Variants in SLC2A11 observed in about 807,000 individuals in gnomAD.
SLC2A11 encodes the protein solute carrier family 2, facilitated glucose transporter member 11.
Under a neutral mutation model 52.1 loss-of-function variants are expected in SLC2A11, and 43 were observed. That is an observed-to-expected ratio of 0.82 (90% confidence interval 0.65 to 1.06). The LOEUF (loss-of-function observed/expected upper bound fraction) is 1.06. Ranked by LOEUF, SLC2A11 falls within the 50% of genes least tolerant of loss-of-function variation. The probability of loss-of-function intolerance (pLI) is 0.00; values close to 1 mark genes in which losing one functional copy is unlikely to be tolerated. For missense variants in SLC2A11, 582 were observed against 654.2 expected (o/e 0.89, Z 1.20); for synonymous variants, 261 against 277.6 (o/e 0.94, Z 0.59).
intron 4 of SLC2A11, among the ~76,000 whole-genome samples, chr22:23,876,720 G>T (rs183702082): frequency 4.0e-5 from 6 of 150,606 alleles, no homozygotes; most frequent in Admixed American, 3.9e-4. Flanking sequence ...GCACAGCCCC[G>T]TCAGAGTCCT....
intron 4 of SLC2A11, among the ~76,000 whole-genome samples, chr22:23,876,477 A>G (rs2032615266): frequency 6.6e-6 from 1 of 152,092 alleles, no homozygotes; most frequent in South Asian, 2.1e-4. Flanking sequence ...CAGGGGCGTG[A>G]CACCACAACA....
At chr22:23,883,176 C>T (rs1002632499) in intron 8 of SLC2A11, 4 of 427,882 alleles carry the variant, frequency 9.3e-6, no homozygotes, top group East Asian at 5.3e-5. Flanking sequence ...GCAGGAGAAT[C>T]GCATGAACCC....
intron 1 of SLC2A11, among the ~76,000 whole-genome samples, chr22:23,861,877 G>T (rs1488194732): frequency 6.6e-6 from 1 of 152,214 alleles, no homozygotes; most frequent in East Asian, 1.9e-4. Context: ...TGGGTGGGGT[G>T]AGGGTAAAGT....
At position 23,882,121 on chromosome 22, in the gene SLC2A11, CAG is replaced by C. The variant is rs555465116; in HGVS notation, c.695-326_695-325del. ...AGACAGAGAGATTGAGAAAGACAGG[CAG>C]AGAGAGAGAGAAACACACACACACA... On this transcript the variant is annotated intron_variant, in intron 6 of 11. Transcript: ENST00000316185. 374 of 290,796 alleles carry C rather than the reference CAG, an allele frequency of 1.3e-3. 16 individuals carry two copies. The South Asian group carries it at 0.014, about 11-fold the overall frequency. 18.0% of individuals were successfully genotyped at this position (290,796 alleles called of 1,614,324 possible). A position where few individuals can be genotyped will look rare whatever the true frequency, so the allele number is the denominator to read the frequency against.
chr22:23,860,728 G>C (rs1174332405), intron 1 of SLC2A11, among the ~76,000 whole-genome samples: 3 of 142,812 alleles, frequency 2.1e-5, no homozygotes, highest in African/African-American at 7.7e-5. Flanking sequence ...GCAAAACTCC[G>C]TCTCTTTTTT....
At chr22:23,860,512 G>A (rs1008333495) in intron 1 of SLC2A11, among the ~76,000 whole-genome samples, 2 of 152,086 alleles carry the variant, frequency 1.3e-5, no homozygotes, top group Admixed American at 1.3e-4. Flanking sequence ...GCTCACGTCT[G>A]TAATCTCAGC....
chr22:23,870,817 C>T (rs67015423), intron 3 of SLC2A11: 26,101 of 151,726 alleles, frequency 0.17, 2,290 homozygotes, highest in African/African-American at 0.2. Context: ...CTCAGCCTCC[C>T]GAGTAGTTGG....
At chr22:23,859,629 C>T (rs1303381689) in intron 1 of SLC2A11, among the ~76,000 whole-genome samples, 1 of 152,138 alleles carries the variant, frequency 6.6e-6, no homozygotes, top group Non-Finnish European at 1.5e-5. Flanking sequence ...GCTGGGATTA[C>T]AGGTGCCCAC....
At chr22:23,883,572 A>G in intron 8 of SLC2A11, 200 bp from the exon 9 acceptor site, 1 of 518,744 alleles carries the variant, frequency 1.9e-6, no homozygotes. Flanking sequence ...CACTTCCAGC[A>G]CCATTTTGAG....
At chr22:23,858,363 G>A (rs2031933191) in intron 1 of SLC2A11, among the ~76,000 whole-genome samples, 2 of 151,978 alleles carry the variant, frequency 1.3e-5, no homozygotes, top group African/African-American at 4.8e-5. Context: ...TCCCGAGACT[G>A]TTTCCCACCC....
chr22:23,858,009 G>T lies in SLC2A11; in HGVS notation c.10G>T (p.Ala4Ser), dbSNP rs765864439. 9.7e-5 allele frequency: 153 copies of T among 1,582,368 alleles called. No individual in the cohort carries two copies. In the Middle Eastern group the frequency reaches 1.1e-3, roughly 12 times the overall value. MLH[A>S]LLRSRMIQGR... ...CAGGCCCCTCTTTCGAATGCTCCAC[G>T]CCCTCCTGCGATCTAGAATGGTATG... is the stretch of plus-strand genomic sequence containing the variant. Residue 4 changes from alanine to serine, a missense_variant, in exon 1 of 12, where the codon GCC (alanine) becomes TCC (serine). Physicochemically the swap from Ala to Ser is moderately conservative, Grantham distance 99. Coordinates refer to ENST00000316185, the MANE Select transcript of SLC2A11 (RefSeq NM_001024939.4).
chr22:23,862,308 C>A, intron 2 of SLC2A11, 106 bp downstream of exon 2: 1 of 1,044,856 alleles, frequency 9.6e-7, no homozygotes, highest in Non-Finnish European at 1.5e-6. Context: ...GCACTTTCTG[C>A]CACAAGTTTG....
At position 23,857,955 on chromosome 22, in the gene SLC2A11, G is replaced by C. The variant is rs754513632; in HGVS notation, c.-45G>C. On this transcript the variant is annotated 5_prime_UTR_variant, in exon 1 of 12. Coordinates refer to ENST00000316185, the MANE Select transcript of SLC2A11 (RefSeq NM_001024939.4). ...CTCACCGCTTGCTAATGGCAGCCGGGGTCTCCCTGGGACAGCAAGACCTCC... is the reference window on the plus strand; with the variant it reads ...CTCACCGCTTGCTAATGGCAGCCGGCGTCTCCCTGGGACAGCAAGACCTCC... The C allele has an allele frequency of 1.1e-5, 18 of 1,592,238 alleles. No homozygotes were observed. Among genetic ancestry groups the C allele is most frequent in the Non-Finnish European group, 1.5e-5 (17 of 1,171,134 alleles).
intron 1 of SLC2A11, among the ~76,000 whole-genome samples, chr22:23,859,157 A>C (rs1200923016): frequency 6.6e-6 from 1 of 152,212 alleles, no homozygotes; most frequent in Non-Finnish European, 1.5e-5. Flanking sequence ...CTGCTGTCTT[A>C]AGGGAGCTCT....
chr22:23,867,509 TGA>T (rs113706254), intron 2 of SLC2A11: 1 of 329,046 alleles, frequency 3.0e-6, no homozygotes. Context: ...CGGAATTTCT[TGA>T]GTGATAGGAG....
intron 6 of SLC2A11, among the ~76,000 whole-genome samples, chr22:23,878,489 T>C (rs990031068): frequency 6.6e-6 from 1 of 152,164 alleles, no homozygotes; most frequent in Non-Finnish European, 1.5e-5. Flanking sequence ...AATAGCATGG[T>C]GATGGCAGAG....
chr22:23,884,215 C>G lies in SLC2A11; in HGVS notation c.1172-87C>G. 6.6e-7 allele frequency: 1 copy of G among 1,520,988 alleles called. No homozygotes were observed. Among genetic ancestry groups the G allele is most frequent in the South Asian group, 1.3e-5 (1 of 79,550 alleles). The allele number at this position is 1,520,988 out of a possible 1,614,324, so 94.2% of individuals were successfully genotyped here. A position where few individuals can be genotyped will look rare whatever the true frequency, so the allele number is the denominator to read the frequency against. On this transcript the variant is annotated intron_variant, in intron 10 of 11. Coordinates refer to ENST00000316185, the MANE Select transcript of SLC2A11 (RefSeq NM_001024939.4). This position sits in a 1 kb window ranked among gnomAD's most constrained non-coding sequence, Gnocchi z 4.3. ...GCCCCCCATACAGACTGGGCCTGGG[C>G]TCCCACTCCCATGTCTGGGCTGGGG... is the stretch of plus-strand genomic sequence containing the variant.
intron 8 of SLC2A11, 35 bp from the exon 9 acceptor site, chr22:23,883,737 C>A: frequency 6.8e-7 from 1 of 1,466,796 alleles, no homozygotes; most frequent in Admixed American, 2.6e-5. Context: ...GGGACCATGG[C>A]TGGGTGTGTG....
chr22:23,885,362 CATAATA>C lies in SLC2A11; in HGVS notation c.*522_*527del, dbSNP rs1191845743. 1 of 158,146 alleles carries C rather than the reference CATAATA, an allele frequency of 6.3e-6. No homozygotes were observed. The highest frequency in any genetic ancestry group is 1.4e-5 in the Non-Finnish European group (1 of 72,746). 9.8% of individuals were successfully genotyped at this position (158,146 alleles called of 1,614,324 possible). A position where few individuals can be genotyped will look rare whatever the true frequency, so the allele number is the denominator to read the frequency against. On this transcript the variant is annotated 3_prime_UTR_variant, in exon 12 of 12. Coordinates refer to ENST00000316185, the MANE Select transcript of SLC2A11 (RefSeq NM_001024939.4). ...AGAGGGAGACTTCATCTCTTTAAAACATAATAATAATAATTACAGACTCAGGAAATG... is the reference window on the plus strand; with the variant it reads ...AGAGGGAGACTTCATCTCTTTAAAACATAATAATTACAGACTCAGGAAATG...
Sources: allele counts gnomAD v4.1 joint callset (sites outside exome capture counted in the v4.1 genomes callset), GRCh38; gene constraint gnomAD v4.1.1; non-coding constraint Gnocchi (gnomAD v3.1); transcripts MANE v1.5; gene names NCBI Gene and HGNC (gene_info 2026-07-23, HGNC 2026-07-21).